Variants in ZNF804A observed in about 807,000 individuals in gnomAD.
ZNF804A encodes the protein zinc finger protein 804A.
In ZNF804A, 2 loss-of-function variants were observed where a neutral mutation model predicts 16.5. The observed-to-expected ratio is 0.12, with a 90% CI of 0.05 to 0.38. The LOEUF is 0.38. Among genes scored for constraint, ZNF804A ranks in the 10% least tolerant of loss-of-function variants. The pLI is 0.99. For missense variants in ZNF804A, 1,473 were observed against 1,390.7 expected (o/e 1.06, Z -0.94); for synonymous variants, 534 against 489.6 (o/e 1.09, Z -1.20).
Position 184,857,153 on chromosome 2 carries a change from T to C in ZNF804A, c.112-9216T>C, listed in dbSNP as rs1306481501. Among the ~76,000 whole-genome samples, 4 of 152,032 alleles carry C rather than the reference T, an allele frequency of 2.6e-5. No homozygotes were observed. The East Asian group carries it at 7.7e-4, about 29-fold the overall frequency. ...GATTGCTTTCGTTGCATTCCTTAAGTTTTGGTTTTATTTTCCATTGTCTTT... is the reference window on the plus strand; with the variant it reads ...GATTGCTTTCGTTGCATTCCTTAAGCTTTGGTTTTATTTTCCATTGTCTTT... On this transcript the variant is annotated intron_variant, in intron 1 of 3. Transcript: ENST00000302277.
chr2:184,717,621 A>G (rs577242730), intron 1 of ZNF804A, among the ~76,000 whole-genome samples: 26 of 152,320 alleles, frequency 1.7e-4, no homozygotes, highest in African/African-American at 6.3e-4. Flanking sequence ...ATTACATGTA[A>G]GTTGGCAAAC....
At chr2:184,908,293 A>G (rs1418762541) in intron 2 of ZNF804A, among the ~76,000 whole-genome samples, 1 of 152,016 alleles carries the variant, frequency 6.6e-6, no homozygotes, top group Non-Finnish European at 1.5e-5. Context: ...GCCTACCATC[A>G]TTGAATCTCT....
chr2:184,654,636 G>A (rs1692045819), intron 1 of ZNF804A, among the ~76,000 whole-genome samples: 1 of 152,078 alleles, frequency 6.6e-6, no homozygotes, highest in South Asian at 2.1e-4. Context: ...GTGTTCAGTT[G>A]TCTCCATAGT....
At chr2:184,801,459 T>C (rs1054923343) in intron 1 of ZNF804A, among the ~76,000 whole-genome samples, 2 of 152,208 alleles carry the variant, frequency 1.3e-5, no homozygotes, top group Non-Finnish European at 2.9e-5. Flanking sequence ...AGTCTCACAA[T>C]TTTTCAATGT....
intron 1 of ZNF804A, among the ~76,000 whole-genome samples, chr2:184,818,438 C>T (rs1695017897): frequency 6.6e-6 from 1 of 151,070 alleles, no homozygotes; most frequent in Admixed American, 6.6e-5. Flanking sequence ...AAACCATTAC[C>T]AGCCACTAAA....
chr2:184,855,602 A>C, intron 1 of ZNF804A, among the ~76,000 whole-genome samples: 1 of 81,758 alleles, frequency 1.2e-5, no homozygotes, highest in Middle Eastern at 7.4e-3. Context: ...ACACATACAC[A>C]TATATATATA....
intron 1 of ZNF804A, among the ~76,000 whole-genome samples, chr2:184,625,396 A>G (rs1025408780): frequency 2.0e-5 from 3 of 152,138 alleles, no homozygotes; most frequent in African/African-American, 7.2e-5. Context: ...ACATTATTAT[A>G]TAAGTATAAT....
At chr2:184,904,051 ATTAG>A (rs1411078746) in intron 2 of ZNF804A, among the ~76,000 whole-genome samples, 1 of 152,088 alleles carries the variant, frequency 6.6e-6, no homozygotes, top group Non-Finnish European at 1.5e-5. Flanking sequence ...ACATATAAAA[ATTAG>A]TTGTGTTTCT....
At chr2:184,908,268 T>G (rs528259752) in intron 2 of ZNF804A, among the ~76,000 whole-genome samples, 2 of 152,210 alleles carry the variant, frequency 1.3e-5, no homozygotes, top group South Asian at 4.1e-4. Flanking sequence ...TTCTCCATTT[T>G]AAAAGCCAGA....
intron 2 of ZNF804A, among the ~76,000 whole-genome samples, chr2:184,889,076 A>G (rs1313961348): frequency 1.3e-5 from 2 of 152,026 alleles, no homozygotes; most frequent in East Asian, 3.9e-4. Flanking sequence ...CAACATTGTC[A>G]ACAGCATGTA....
chr2:184,835,131 G>T (rs1325787880), intron 1 of ZNF804A, among the ~76,000 whole-genome samples: 1 of 152,124 alleles, frequency 6.6e-6, no homozygotes, highest in Non-Finnish European at 1.5e-5. Flanking sequence ...ATGCTGGACA[G>T]GCAAGCCCCA....
intron 2 of ZNF804A, among the ~76,000 whole-genome samples, chr2:184,894,628 A>G (rs1685037437): frequency 6.6e-6 from 1 of 152,064 alleles, no homozygotes; most frequent in Admixed American, 6.6e-5. Context: ...AAATTATTAT[A>G]TATTACACGT....
At position 184,731,523 on chromosome 2, in the gene ZNF804A, G is replaced by A. The variant is rs149330104; in HGVS notation, c.111+132453G>A. 9.0e-3 allele frequency among the ~76,000 whole-genome samples: 1,307 copies of A among 145,724 alleles called. 21 individuals carry two copies. Among genetic ancestry groups the A allele is most frequent in the African/African-American group, 0.032 (1,248 of 39,374 alleles). ...CTTTTTCTATGCTCATTTTTCATTTGCATATCTTCCTCAGTGAGATGTCTG... is the reference window on the plus strand; with the variant it reads ...CTTTTTCTATGCTCATTTTTCATTTACATATCTTCCTCAGTGAGATGTCTG... On this transcript the variant is annotated intron_variant, in intron 1 of 3. Transcript: ENST00000302277.
At chr2:184,867,513 A>T (rs901992299) in intron 2 of ZNF804A, among the ~76,000 whole-genome samples, 5 of 152,044 alleles carry the variant, frequency 3.3e-5, no homozygotes, top group Admixed American at 6.6e-5. Context: ...CATACCAACT[A>T]CACTGTGCTT....
rs960113966 is a variant in ZNF804A at position 184,844,033 on chromosome 2, T to A, written c.112-22336T>A. 2.6e-5 allele frequency among the ~76,000 whole-genome samples: 4 copies of A among 152,230 alleles called. No homozygotes were observed. In the East Asian group the frequency reaches 7.7e-4, roughly 29 times the overall value. On this transcript the variant is annotated intron_variant, in intron 1 of 3. Coordinates refer to ENST00000302277, the MANE Select transcript of ZNF804A (RefSeq NM_194250.2). ...CAATTTTATCTTCTCTTTCAGGGCA[T>A]CAATTATACTTCTTAATACTCTTTA...
rs780301040 is a variant in ZNF804A, at chr2:184,905,661, C to T, written c.256-27942C>T. Among the ~76,000 whole-genome samples the T allele has an allele frequency of 6.6e-5, 10 of 152,184 alleles. No homozygotes were observed. The East Asian group carries it at 1.9e-3, about 29-fold the overall frequency. On this transcript the variant is annotated intron_variant, in intron 2 of 3. Coordinates refer to ENST00000302277, the MANE Select transcript of ZNF804A (RefSeq NM_194250.2). ...GTTTCCAATGTTACTTTTCCTTGAA[C>T]TGAATCTTCAAGAAAATGGCATAGA...
chr2:184,791,359 T>C (rs1428987295), intron 1 of ZNF804A, among the ~76,000 whole-genome samples: 1 of 152,176 alleles, frequency 6.6e-6, no homozygotes, highest in Non-Finnish European at 1.5e-5. Context: ...AGTGTAGTGG[T>C]GACAACTCTT....
At chr2:184,787,966 T>C (rs1296829413) in intron 1 of ZNF804A, among the ~76,000 whole-genome samples, 1 of 151,998 alleles carries the variant, frequency 6.6e-6, no homozygotes, top group Non-Finnish European at 1.5e-5. Context: ...AACATTTTTA[T>C]GGCTTCATGT....
At chr2:184,895,180 C>A (rs1325737713) in intron 2 of ZNF804A, among the ~76,000 whole-genome samples, 1 of 151,290 alleles carries the variant, frequency 6.6e-6, no homozygotes, top group African/African-American at 2.4e-5. Context: ...GCTGAAGCAT[C>A]GGTCTTTTTA....
Sources: allele counts gnomAD v4.1 joint callset (sites outside exome capture counted in the v4.1 genomes callset), GRCh38; gene constraint gnomAD v4.1.1; transcripts MANE v1.5; gene names NCBI Gene and HGNC (gene_info 2026-07-23, HGNC 2026-07-21).